The following MTMR7 variants were observed in gnomAD, a reference collection of about 807,000 sequenced individuals.
MTMR7 encodes the protein myotubularin related protein 7, also known as phosphatidylinositol-3-phosphate phosphatase MTMR7.
In MTMR7, 76 loss-of-function variants were observed where a neutral mutation model predicts 81.2. The observed-to-expected ratio is 0.94, with a 90% CI of 0.78 to 1.13. MTMR7 has a LOEUF of 1.13. Among genes scored for constraint, MTMR7 ranks in the 50% most tolerant of loss-of-function variants. MTMR7 has a pLI of 0.00. For synonymous variants in MTMR7, 372 were observed against 289.8 expected (o/e 1.28, Z -2.88); for missense variants, 1,044 against 820.0 (o/e 1.27, Z -3.34).
chr8:17,398,833 A>G (rs891766761), intron 1 of MTMR7, among the ~76,000 whole-genome samples: 3 of 152,204 alleles, frequency 2.0e-5, no homozygotes, highest in Non-Finnish European at 4.4e-5. Context: ...ATATGAAGTG[A>G]AAGTGTAGAG....
chr8:17,386,884 A>G lies in MTMR7; in HGVS notation c.25-13644T>C, dbSNP rs372685923. On this transcript the variant is annotated intron_variant, in intron 1 of 13. Coordinates refer to ENST00000180173, the MANE Select transcript of MTMR7 (RefSeq NM_004686.5). ...AGAGCAGGCATGGCTCCTCAGAGGG[A>G]GCCTGGGAGAGTGGATGATGGGTGA... Among the ~76,000 whole-genome samples, 34 of 152,314 alleles carry G rather than the reference A, an allele frequency of 2.2e-4. 1 individual carries two copies. The highest frequency in any genetic ancestry group is 7.7e-4 in the African/African-American group (32 of 41,578).
rs181036941 is a variant in MTMR7 at position 17,372,864 on chromosome 8, G to A, written c.147+254C>T. The A allele has an allele frequency of 5.8e-4, 210 of 363,600 alleles. 1 individual carries two copies. Among genetic ancestry groups the A allele is most frequent in the African/African-American group, 4.0e-3 (184 of 45,682 alleles). The allele number at this position is 363,600 out of a possible 1,614,324, so 22.5% of individuals were successfully genotyped here. A position where few individuals can be genotyped will look rare whatever the true frequency, so the allele number is the denominator to read the frequency against. On this transcript the variant is annotated intron_variant, in intron 2 of 13. Transcript: ENST00000180173. ...GAATCTCTCCTTGACAGCTGTGACA[G>A]GAAGCACTTGTATCTTCTGGCTAGT...
chr8:17,344,808 A>T (rs1167342325), intron 5 of MTMR7, among the ~76,000 whole-genome samples: 2 of 152,148 alleles, frequency 1.3e-5, no homozygotes, highest in African/African-American at 4.8e-5. Context: ...AACACATAGG[A>T]AGTTTCAATA....
intron 1 of MTMR7, among the ~76,000 whole-genome samples, chr8:17,377,182 G>C (rs1820616165): frequency 1.3e-5 from 2 of 152,120 alleles, no homozygotes; most frequent in East Asian, 1.9e-4. Flanking sequence ...AACATACAAA[G>C]TATTTATTAG....
chr8:17,379,891 T>C (rs958340017), intron 1 of MTMR7, among the ~76,000 whole-genome samples: 3 of 152,158 alleles, frequency 2.0e-5, no homozygotes, highest in African/African-American at 7.2e-5. Context: ...GAAGGCACCG[T>C]TTCATTGCAG....
chr8:17,321,582 G>A (rs555102223), intron 7 of MTMR7, among the ~76,000 whole-genome samples: 6 of 152,318 alleles, frequency 3.9e-5, no homozygotes, highest in African/African-American at 1.2e-4. Context: ...AGACCAAAGC[G>A]ATTAGCGCCT....
At chr8:17,341,931 T>A (rs992628687) in intron 5 of MTMR7, among the ~76,000 whole-genome samples, 22 of 151,932 alleles carry the variant, frequency 1.4e-4, no homozygotes, top group Middle Eastern at 3.4e-3. Flanking sequence ...TTTTTTTTTT[T>A]AAACTAGCCC....
intron 1 of MTMR7, among the ~76,000 whole-genome samples, chr8:17,409,000 T>A (rs1161278929): frequency 6.6e-6 from 1 of 152,164 alleles, no homozygotes; most frequent in Non-Finnish European, 1.5e-5. Flanking sequence ...TAAATATATA[T>A]AATTGCAAAA....
rs1821476665 is a variant in MTMR7 at position 17,403,141 on chromosome 8, G to A, written c.24+10128C>T. 2.0e-5 allele frequency among the ~76,000 whole-genome samples: 3 copies of A among 151,924 alleles called. No individual in the cohort carries two copies. The South Asian group carries it at 6.2e-4, about 32-fold the overall frequency. On this transcript the variant is annotated intron_variant, in intron 1 of 13. Transcript: ENST00000180173. ...GTTGTTTGAGCCCCTTATATATTCT[G>A]GTTATTACTCCCTTGTCAGATGGAT...
chr8:17,300,405 T>TA, intron 13 of MTMR7, 181 bp from the exon 14 acceptor site: 1 of 628,444 alleles, frequency 1.6e-6, no homozygotes, highest in Non-Finnish European at 2.7e-6. Context: ...AGGCCTGCTT[T>TA]ATCTCTAATG....
At chr8:17,359,744 A>G (rs1820004810) in intron 4 of MTMR7, among the ~76,000 whole-genome samples, 1 of 152,214 alleles carries the variant, frequency 6.6e-6, no homozygotes, top group African/African-American at 2.4e-5. Flanking sequence ...AGATATGAAG[A>G]TTAAATTAAA....
chr8:17,392,303 T>C (rs1236425401), intron 1 of MTMR7, among the ~76,000 whole-genome samples: 1 of 152,198 alleles, frequency 6.6e-6, no homozygotes, highest in African/African-American at 2.4e-5. Context: ...GTGAGTTCAA[T>C]AGGGAAATGT....
intron 3 of MTMR7, among the ~76,000 whole-genome samples, chr8:17,365,102 G>C (rs773944055): frequency 3.3e-5 from 5 of 152,168 alleles, no homozygotes; most frequent in Admixed American, 6.5e-5. Context: ...TTTTGGTAAA[G>C]GTCATTCTAA....
Position 17,341,444 on chromosome 8 carries a change from T to C in MTMR7, c.651A>G (p.Leu217=), listed in dbSNP as rs4921756. The change falls in exon 6 of 14, where the codon CTA becomes CTG. Residue 217 remains leucine, a synonymous_variant. Coordinates refer to ENST00000180173, the MANE Select transcript of MTMR7 (RefSeq NM_004686.5). ...QPLSGFSARC[L]EDEQMLQAIR... ...TGGCCTGGAGCATCTGCTCGTCCTC[T>C]AGGCACCGGGCACTGAAGCCGGACA... The C allele has an allele frequency of 0.13, 203,530 of 1,613,734 alleles. 14,741 individuals carry two copies. The highest frequency in any genetic ancestry group is 0.15 in the Non-Finnish European group (176,568 of 1,179,764).
At chr8:17,350,406 C>G (rs1819693071) in intron 4 of MTMR7, among the ~76,000 whole-genome samples, 1 of 152,312 alleles carries the variant, frequency 6.6e-6, no homozygotes, top group Middle Eastern at 3.4e-3. Context: ...TACGTGGTAG[C>G]AGGCAAGACA....
chr8:17,364,016 CTAT>C (rs1820139373), intron 3 of MTMR7, among the ~76,000 whole-genome samples: 2 of 97,222 alleles, frequency 2.1e-5, no homozygotes, highest in African/African-American at 4.4e-5. Flanking sequence ...AAAAGTGTTG[CTAT>C]TATTTTTTTT....
chr8:17,386,946 C>G (rs1212551361), intron 1 of MTMR7, among the ~76,000 whole-genome samples: 1 of 152,120 alleles, frequency 6.6e-6, no homozygotes, highest in African/African-American at 2.4e-5. Context: ...AGTCTAGTCC[C>G]CAGGATGGCA....
intron 4 of MTMR7, among the ~76,000 whole-genome samples, chr8:17,354,679 G>A (rs1055378727): frequency 3.3e-5 from 5 of 152,080 alleles, no homozygotes; most frequent in Admixed American, 2.0e-4. Context: ...GACCTCAAAG[G>A]ATTTGTGAGA....
At chr8:17,304,705 C>A (rs1462812557) in intron 11 of MTMR7, among the ~76,000 whole-genome samples, 186 bp from the exon 12 acceptor site, 1 of 146,880 alleles carries the variant, frequency 6.8e-6, no homozygotes, top group African/African-American at 2.6e-5. Flanking sequence ...ATAATCTCAA[C>A]TTCACCACCA....
Sources: gnomAD v4.1 joint callset for allele counts (sites outside exome capture counted in the v4.1 genomes callset) on GRCh38, gnomAD v4.1.1 for gene constraint, MANE v1.5 for transcripts, NCBI Gene and HGNC (gene_info 2026-07-23, HGNC 2026-07-21) for gene names.